The following SHANK2 variants were observed in gnomAD, a reference collection of about 807,000 sequenced individuals.
SHANK2 encodes SH3 and multiple ankyrin repeat domains protein 2.
In SHANK2, 43 loss-of-function variants were observed where a neutral mutation model predicts 133.7. That is an observed-to-expected ratio of 0.32 (90% CI 0.25 to 0.41). SHANK2 has a LOEUF of 0.41. Ranked by LOEUF, SHANK2 falls within the 10% of genes least tolerant of loss-of-function variation. The probability of loss-of-function intolerance (pLI) is 1.00; values close to 1 mark genes in which losing one functional copy is unlikely to be tolerated. For synonymous variants in SHANK2, 1,017 were observed against 952.8 expected (o/e 1.07, Z -1.24); for missense variants, 1,994 against 2,235.8 (o/e 0.89, Z 2.18).
At chr11:70,887,503 C>A (rs1949765981) in intron 11 of SHANK2, among the ~76,000 whole-genome samples, 1 of 152,016 alleles carries the variant, frequency 6.6e-6, no homozygotes, top group Non-Finnish European at 1.5e-5. Flanking sequence ...CACTTGAATC[C>A]ATTTCTGGGT....
Position 70,500,787 on chromosome 11 carries a change from C to T in SHANK2, c.2288-197G>A, listed in dbSNP as rs781829095. The T allele has an allele frequency of 2.5e-5, 19 of 750,816 alleles. No homozygotes were observed. The highest frequency in any genetic ancestry group is 3.6e-5 in the Non-Finnish European group (15 of 415,912). 46.5% of individuals were successfully genotyped at this position (750,816 alleles called of 1,614,324 possible). The stretch of plus-strand genomic sequence containing the variant: ...TGGCTTTCCCCAAACCTTGGCTGCC[C>T]GCACAACTCTGTCCTGTCTGCCCTG... On this transcript the variant is annotated intron_variant, in intron 20 of 25. Coordinates refer to ENST00000601538, the MANE Select transcript of SHANK2 (RefSeq NM_012309.5). The surrounding 1 kb of genome is among the most constrained non-coding windows in gnomAD (Gnocchi z 4.5).
intron 11 of SHANK2, among the ~76,000 whole-genome samples, chr11:70,828,183 G>A (rs1555057610): frequency 6.6e-6 from 1 of 152,208 alleles, no homozygotes; most frequent in Admixed American, 6.5e-5. Context: ...TCAGGAGGCT[G>A]AGGCAGGAGG....
Position 70,485,993 on chromosome 11 carries a change from G to C in SHANK2, c.4300C>G (p.Leu1434Val), listed in dbSNP as rs2058797876. ...PDDRAASVPALSDLVKQKKSD... is the reference protein window; with the variant it reads ...PDDRAASVPAVSDLVKQKKSD... ...TTCTTCTGCTTCACTAAGTCTGAGA[G>C]AGCCGGGACAGAAGCTGCCCGGTCA... is the stretch of plus-strand genomic sequence containing the variant. The change falls in exon 25 of 26, where the codon CTC becomes GTC. Residue 1434 changes from leucine to valine, a missense_variant. This residue lies in a region of SHANK2 where 797 missense variants were observed against 907.4 expected (regional missense o/e 0.88). Transcript: ENST00000601538. This position sits in a 1 kb window ranked among gnomAD's most constrained non-coding sequence, Gnocchi z 5.8. 1 of 1,613,968 alleles carries C rather than the reference G, an allele frequency of 6.2e-7. No homozygotes were observed. The highest frequency in any genetic ancestry group is 1.3e-5 in the African/African-American group (1 of 74,908).
intron 17 of SHANK2, among the ~76,000 whole-genome samples, chr11:70,632,505 C>G (rs1237086748): frequency 1.3e-5 from 2 of 152,176 alleles, no homozygotes; most frequent in Non-Finnish European, 2.9e-5. Context: ...ACCCACCTCT[C>G]TGGTTCAACC....
chr11:70,599,411 T>G (rs11561011), intron 17 of SHANK2, among the ~76,000 whole-genome samples: 14,754 of 128,002 alleles, frequency 0.12, 1,129 homozygotes, highest in East Asian at 0.26. Flanking sequence ...ATCGAGACCA[T>G]CCTGGCTAAC....
At chr11:70,935,087 CA>C (rs1392331577) in intron 10 of SHANK2, among the ~76,000 whole-genome samples, 3 of 151,486 alleles carry the variant, frequency 2.0e-5, no homozygotes, top group East Asian at 1.9e-4. Flanking sequence ...AAATATGAAA[CA>C]AAAAAAAATT....
chr11:70,721,520 G>A (rs141716696), intron 14 of SHANK2, among the ~76,000 whole-genome samples: 248 of 152,330 alleles, frequency 1.6e-3, no homozygotes, highest in Non-Finnish European at 2.9e-3. Flanking sequence ...GTTGGGGAAG[G>A]CCTGTTCTTT....
intron 14 of SHANK2, among the ~76,000 whole-genome samples, chr11:70,768,813 A>G (rs868990457): frequency 6.6e-6 from 1 of 152,074 alleles, no homozygotes; most frequent in Non-Finnish European, 1.5e-5. Flanking sequence ...TTGGCTGCTG[A>G]GGCCTTGGCT....
At chr11:70,934,218 C>G (rs1448899292) in intron 10 of SHANK2, among the ~76,000 whole-genome samples, 1 of 124,816 alleles carries the variant, frequency 8.0e-6, no homozygotes, top group Non-Finnish European at 1.6e-5. Context: ...GGCAACAGAG[C>G]GGGACTGTGT....
intron 1 of SHANK2, among the ~76,000 whole-genome samples, chr11:71,239,989 A>G (rs1954868700): frequency 6.6e-6 from 1 of 152,198 alleles, no homozygotes; most frequent in Non-Finnish European, 1.5e-5. Context: ...GTGGCCAGAA[A>G]GCCGTCTGAA....
intron 14 of SHANK2, among the ~76,000 whole-genome samples, chr11:70,703,479 G>C (rs1266102161): frequency 6.6e-6 from 1 of 152,180 alleles, no homozygotes; most frequent in Non-Finnish European, 1.5e-5. Flanking sequence ...TTGGGACCCT[G>C]CCCCCAGTGT....
intron 17 of SHANK2, among the ~76,000 whole-genome samples, chr11:70,576,708 TACCTGGCTC>T (rs1165328017): frequency 6.6e-6 from 1 of 152,196 alleles, no homozygotes; most frequent in Non-Finnish European, 1.5e-5. Flanking sequence ...CTGAAGAAGC[TACCTGGCTC>T]TCCCAGGGCC....
rs36140840 is a variant in SHANK2, at chr11:71,074,773, ATTTT to A, written c.1029+382_1029+385del. Among the ~76,000 whole-genome samples the A allele has an allele frequency of 1.9e-3, 173 of 92,514 alleles. 1 individual carries two copies. Among genetic ancestry groups the A allele is most frequent in the African/African-American group, 5.8e-3 (150 of 25,810 alleles). 60.7% of individuals were successfully genotyped at this position (92,514 alleles called of 152,430 possible). A position where few individuals can be genotyped will look rare whatever the true frequency, so the allele number is the denominator to read the frequency against. On this transcript the variant is annotated intron_variant, in intron 9 of 25. Coordinates refer to ENST00000601538, the MANE Select transcript of SHANK2 (RefSeq NM_012309.5). Reference sequence around the variant, plus strand: ...TTTTGTAGTTTGCTGACCTAAGCCAATTTTTTTTTTTTTTTTTTTTTTTTGAGAC... The same window carrying A: ...TTTTGTAGTTTGCTGACCTAAGCCAATTTTTTTTTTTTTTTTTTTTGAGAC...
intron 11 of SHANK2, among the ~76,000 whole-genome samples, chr11:70,829,995 G>T (rs1342990309): frequency 6.6e-6 from 1 of 152,188 alleles, no homozygotes; most frequent in African/African-American, 2.4e-5. Flanking sequence ...GGTTCTCACT[G>T]TCAGACGCGG....
At chr11:70,944,408 T>A (rs1950692739) in intron 10 of SHANK2, among the ~76,000 whole-genome samples, 2 of 152,126 alleles carry the variant, frequency 1.3e-5, no homozygotes. Context: ...CCTCTCTGGG[T>A]GAAGCTCCTC....
chr11:70,690,488 G>GTTTTTTTTTTTTTTTTTTTTTTTTT (rs35737323), intron 15 of SHANK2, among the ~76,000 whole-genome samples: 2 of 32,816 alleles, frequency 6.1e-5, no homozygotes, highest in Non-Finnish European at 1.0e-4. Context: ...TACTTCCCAT[G>GTTTTTTTTTTTTTTTTTTTTTTTTT]TTTTTTTTTT....
At chr11:71,072,577 A>G (rs1305628385) in intron 9 of SHANK2, among the ~76,000 whole-genome samples, 2 of 152,214 alleles carry the variant, frequency 1.3e-5, no homozygotes, top group East Asian at 1.9e-4. Context: ...TCTTGAACAC[A>G]TGGTTGCATC....
chr11:70,925,799 A>G (rs1950419504), intron 10 of SHANK2, among the ~76,000 whole-genome samples: 2 of 152,132 alleles, frequency 1.3e-5, no homozygotes, highest in Non-Finnish European at 2.9e-5. Flanking sequence ...TGCGGTGCTA[A>G]CATCCTATAA....
At chr11:70,613,432 T>C (rs2060691719) in intron 17 of SHANK2, among the ~76,000 whole-genome samples, 1 of 152,184 alleles carries the variant, frequency 6.6e-6, no homozygotes, top group Non-Finnish European at 1.5e-5. Flanking sequence ...CTCGATCTCC[T>C]GACCTCGTGA....
Sources: allele counts gnomAD v4.1 joint callset (sites outside exome capture counted in the v4.1 genomes callset), GRCh38; gene constraint gnomAD v4.1.1; regional missense constraint gnomAD v4.1.1; non-coding constraint Gnocchi (gnomAD v3.1); transcripts MANE v1.5; gene names NCBI Gene and HGNC (gene_info 2026-07-23, HGNC 2026-07-21).